The following IGFBP5 variants were observed in gnomAD, a reference collection of about 807,000 sequenced individuals.
IGFBP5 encodes the protein insulin like growth factor binding protein 5.
IGFBP5 carries 12 observed loss-of-function variants against 28.0 expected under a neutral mutation model. The ratio of observed to expected loss-of-function variants is 0.43; its 90% CI spans 0.27 to 0.69. The LOEUF is 0.69. Among genes scored for constraint, IGFBP5 ranks in the 30% least tolerant of loss-of-function variants. The probability of loss-of-function intolerance (pLI) is 0.20; values close to 1 mark genes in which losing one functional copy is unlikely to be tolerated. For missense variants in IGFBP5, 344 were observed against 381.6 expected, an observed-to-expected ratio of 0.90 and a Z score of 0.82; for synonymous variants, 152 against 150.2, an observed-to-expected ratio of 1.01 and a Z score of -0.09.
intron 1 of IGFBP5, among the ~76,000 whole-genome samples, chr2:216,689,201 C>T (rs1275544475): frequency 6.6e-6 from 1 of 152,206 alleles, no homozygotes. Flanking sequence ...TTCAAGACTA[C>T]AGGCCGCTGC....
At position 216,692,874 on chromosome 2, in the gene IGFBP5, C is replaced by A; in HGVS notation, c.337+1565G>T. Among the ~76,000 whole-genome samples the A allele has an allele frequency of 6.6e-6, 1 of 152,094 alleles. No homozygotes were observed. Among genetic ancestry groups the A allele is most frequent in the Non-Finnish European group, 1.5e-5 (1 of 68,022 alleles). ...CCTGCAGGGTTTGCGGGGACTGAGG[C>A]TGAACACAGGAAGCTCTCCGGCCTC... is the stretch of plus-strand genomic sequence containing the variant. On this transcript the variant is annotated intron_variant, in intron 1 of 3. Transcript: ENST00000233813. This position sits in a 1 kb window ranked among gnomAD's most constrained non-coding sequence, Gnocchi z 4.2.
At chr2:216,687,822 C>G (rs542105840) in intron 1 of IGFBP5, among the ~76,000 whole-genome samples, 5 of 152,282 alleles carry the variant, frequency 3.3e-5, no homozygotes, top group Admixed American at 2.0e-4. Context: ...CCACATCCCC[C>G]CAAAGTTCTG....
Position 216,694,749 on chromosome 2 carries a change from C to T in IGFBP5, c.27G>A (p.Leu9=). 1 of 1,436,588 alleles carries T rather than the reference C, an allele frequency of 7.0e-7. No homozygotes were observed. The allele number at this position is 1,436,588 out of a possible 1,614,324, so 89.0% of individuals were successfully genotyped here. The change falls in exon 1 of 4, where the codon CTG becomes CTA. Residue 9 remains leucine, a synonymous_variant. Transcript: ENST00000233813. The surrounding 1 kb of genome is among the most constrained non-coding windows in gnomAD (Gnocchi z 5.2). ...CCGGCCCCGCATAGGCGGCCAGCAG[C>T]AGGAGGACCGCGGTGAGCAACACCA... is the stretch of plus-strand genomic sequence containing the variant. MVLLTAVL[L]LLAAYAGPAQ...
rs912361788 is a variant in IGFBP5 at position 216,689,691 on chromosome 2, C to A, written c.337+4748G>T. On this transcript the variant is annotated intron_variant, in intron 1 of 3. Transcript: ENST00000233813. ...TTGTCTGTCTCTAACCCTGCTGCCA[C>A]ATCTTGGGCAAGTGACTTCCCACTC... Among the ~76,000 whole-genome samples, 7 of 152,254 alleles carry A rather than the reference C, an allele frequency of 4.6e-5. 1 individual carries two copies. Among genetic ancestry groups the A allele is most frequent in the Admixed American group, 3.9e-4 (6 of 15,286 alleles).
intron 1 of IGFBP5, among the ~76,000 whole-genome samples, chr2:216,682,178 C>G (rs965594741): frequency 5.9e-5 from 9 of 152,170 alleles, no homozygotes; most frequent in Admixed American, 1.3e-4. Context: ...TGATGTGCCT[C>G]CTGGTTTCTG....
intron 1 of IGFBP5, among the ~76,000 whole-genome samples, chr2:216,683,295 G>A (rs1446994029): frequency 6.6e-6 from 1 of 152,198 alleles, no homozygotes; most frequent in Non-Finnish European, 1.5e-5. Context: ...GGTTGAGGCT[G>A]AGGCTGAGGT....
chr2:216,688,858 G>A (rs1196950273), intron 1 of IGFBP5, among the ~76,000 whole-genome samples: 2 of 152,202 alleles, frequency 1.3e-5, no homozygotes, highest in Admixed American at 6.5e-5. Flanking sequence ...ATCCCAGAAG[G>A]AGGAGCTGCC....
chr2:216,693,005 G>C (rs1037947440), intron 1 of IGFBP5, among the ~76,000 whole-genome samples: 1 of 152,136 alleles, frequency 6.6e-6, no homozygotes, highest in African/African-American at 2.4e-5. Flanking sequence ...GACAGGGAGG[G>C]AGAAGGGGAT....
rs1409732722 is a variant in IGFBP5, at chr2:216,672,618, T to C, written c.*4133A>G. ...TCTTGTCTGACAACTGTGCTATCCA[T>C]GTGGGCTACGGTGTGACAGTGGCGG... On this transcript the variant is annotated 3_prime_UTR_variant, in exon 4 of 4. Transcript: ENST00000233813. The C allele has an allele frequency of 6.6e-6, 1 of 152,518 alleles. No homozygotes were observed. Among genetic ancestry groups the C allele is most frequent in the Non-Finnish European group, 1.5e-5 (1 of 67,988 alleles). 9.4% of individuals were successfully genotyped at this position (152,518 alleles called of 1,614,324 possible).
rs1689116344 is a variant in IGFBP5 at position 216,692,729 on chromosome 2, A to G, written c.337+1710T>C. On this transcript the variant is annotated intron_variant, in intron 1 of 3. Coordinates refer to ENST00000233813, the MANE Select transcript of IGFBP5 (RefSeq NM_000599.4). The surrounding 1 kb of genome is among the most constrained non-coding windows in gnomAD (Gnocchi z 4.2). ...GGTCTCTGGGGTTCCCAGAGCCTGC[A>G]CATCCTCCCCTTTTCCTCTTTTTGC... 6.6e-6 allele frequency among the ~76,000 whole-genome samples: 1 copy of G among 152,144 alleles called. No individual in the cohort carries two copies. Among genetic ancestry groups the G allele is most frequent in the Non-Finnish European group, 1.5e-5 (1 of 68,018 alleles).
intron 1 of IGFBP5, among the ~76,000 whole-genome samples, chr2:216,691,630 G>A (rs1260821331): frequency 6.6e-6 from 1 of 151,940 alleles, no homozygotes; most frequent in East Asian, 1.9e-4. Context: ...CAGTTGCTCA[G>A]CAACAGCCTA....
At chr2:216,691,369 T>C (rs1689093465) in intron 1 of IGFBP5, among the ~76,000 whole-genome samples, 1 of 152,180 alleles carries the variant, frequency 6.6e-6, no homozygotes. Context: ...CCCCGGTATC[T>C]ATGCTGGGGA....
chr2:216,673,202 T>C lies in IGFBP5; in HGVS notation c.*3549A>G, dbSNP rs1688855934. ...ACCGGTGCGTGGCGGGAGCAGGTGG[T>C]TGAGGCCCACCCTCTAGGGGAGGCC... On this transcript the variant is annotated 3_prime_UTR_variant, in exon 4 of 4. Transcript: ENST00000233813. The surrounding 1 kb of genome is among the most constrained non-coding windows in gnomAD (Gnocchi z 4.3). The C allele has an allele frequency of 6.6e-6, 1 of 152,582 alleles. No individual in the cohort carries two copies. 9.5% of individuals were successfully genotyped at this position (152,582 alleles called of 1,614,324 possible). A position where few individuals can be genotyped will look rare whatever the true frequency, so the allele number is the denominator to read the frequency against.
intron 1 of IGFBP5, among the ~76,000 whole-genome samples, chr2:216,691,081 A>T (rs1689089585): frequency 6.6e-6 from 1 of 152,164 alleles, no homozygotes. Flanking sequence ...CTCAACCCAG[A>T]CATAAATTTG....
intron 2 of IGFBP5, 181 bp downstream of exon 2, chr2:216,678,669 C>A (rs1688933271): frequency 6.6e-6 from 4 of 610,592 alleles, no homozygotes; most frequent in African/African-American, 5.6e-5. Context: ...CTTGCACAAG[C>A]CCTTGGCCCT....
rs1689134734 is a variant in IGFBP5, at chr2:216,694,024, G to T, written c.337+415C>A. On this transcript the variant is annotated intron_variant, in intron 1 of 3. Coordinates refer to ENST00000233813, the MANE Select transcript of IGFBP5 (RefSeq NM_000599.4). This position sits in a 1 kb window ranked among gnomAD's most constrained non-coding sequence, Gnocchi z 5.2. ...ATTAAAATAATATTTTAACAAAAGA[G>T]ATTTTTTTTCCAAGTTCAGAAAAAA... 2.2e-5 allele frequency among the ~76,000 whole-genome samples: 1 copy of T among 45,568 alleles called. No individual in the cohort carries two copies. 29.9% of individuals were successfully genotyped at this position (45,568 alleles called of 152,430 possible). A position where few individuals can be genotyped will look rare whatever the true frequency, so the allele number is the denominator to read the frequency against.
rs1688939550 is a variant in IGFBP5, at chr2:216,679,069, G to T, written c.348C>A (p.Ser116=). ...AGGTGGTGGGCTCCTCGTGCTCACG[G>T]GAGTCTCTCTCTGCAGGAGAAGGAG... is the stretch of plus-strand genomic sequence containing the variant. ...YREQVKIERD[S]REHEEPTTSE... Residue 116 remains serine, a synonymous_variant, in exon 2 of 4, where the codon TCC becomes TCA. Coordinates refer to ENST00000233813, the MANE Select transcript of IGFBP5 (RefSeq NM_000599.4). This position sits in a 1 kb window ranked among gnomAD's most constrained non-coding sequence, Gnocchi z 4.6. The T allele has an allele frequency of 6.2e-7, 1 of 1,613,976 alleles. No individual in the cohort carries two copies. Among genetic ancestry groups the T allele is most frequent in the Non-Finnish European group, 8.5e-7 (1 of 1,179,974 alleles).
chr2:216,686,758 C>T (rs1689038897), intron 1 of IGFBP5, among the ~76,000 whole-genome samples: 1 of 150,632 alleles, frequency 6.6e-6, no homozygotes, highest in African/African-American at 2.4e-5. Context: ...CCCTCTCCTC[C>T]CAGGTTCAAA....
chr2:216,676,739 G>C lies in IGFBP5; in HGVS notation c.*12C>G, dbSNP rs777960489. 32 of 1,607,014 alleles carry C rather than the reference G, an allele frequency of 2.0e-5. No homozygotes were observed. Among genetic ancestry groups the C allele is most frequent in the East Asian group, 4.5e-5 (2 of 44,732 alleles). On this transcript the variant is annotated 3_prime_UTR_variant, in exon 4 of 4. Coordinates refer to ENST00000233813, the MANE Select transcript of IGFBP5 (RefSeq NM_000599.4). ...GTGGGAGGGGGTGAGGGAAAGGTTG[G>C]GGGGGGACGCATCACTCAACGTTGC...
Sources: gnomAD v4.1 joint callset for allele counts (sites outside exome capture counted in the v4.1 genomes callset) on GRCh38, gnomAD v4.1.1 for gene constraint, Gnocchi (gnomAD v3.1) non-coding constraint, MANE v1.5 for transcripts, NCBI Gene and HGNC (gene_info 2026-07-23, HGNC 2026-07-21) for gene names.